Variants in ZFHX3 observed in about 807,000 individuals in gnomAD.
The protein encoded by ZFHX3 is zinc finger homeobox 3, also known as zinc finger homeobox protein 3.
ZFHX3 carries 42 observed loss-of-function variants against 279.1 expected under a neutral mutation model. The ratio of observed to expected loss-of-function variants is 0.15; its 90% CI spans 0.12 to 0.19. ZFHX3 has a LOEUF of 0.19. Ranked by LOEUF, ZFHX3 falls within the 10% of genes least tolerant of loss-of-function variation. The pLI, the probability that ZFHX3 is intolerant of heterozygous loss-of-function variation, is 1.00. For synonymous variants in ZFHX3, 2,293 were observed against 1,957.8 expected, an observed-to-expected ratio of 1.17 and a Z score of -4.52; for missense variants, 4,981 against 4,754.0, an observed-to-expected ratio of 1.05 and a Z score of -1.40.
Position 73,419,532 on chromosome 16 carries a change from G to C in ZFHX3, c.-1291+36471C>G, listed in dbSNP as rs540892541. Among the ~76,000 whole-genome samples the C allele has an allele frequency of 2.0e-5, 3 of 152,116 alleles. No individual in the cohort carries two copies. The South Asian group carries it at 6.2e-4, about 32-fold the overall frequency. On this transcript the variant is annotated intron_variant, in intron 3 of 17. Coordinates refer to the ZFHX3 transcript ENST00000641206. ...CCCCTGCTGCCCCACAGAACTAAAA[G>C]CTATTTACGTAAGGCTGGGGCTCTC... is the stretch of plus-strand genomic sequence containing the variant.
chr16:73,467,984 T>G (rs2018601941), intron 2 of ZFHX3, among the ~76,000 whole-genome samples: 1 of 152,228 alleles, frequency 6.6e-6, no homozygotes, highest in Admixed American at 6.5e-5. Flanking sequence ...TGCAAGTCTT[T>G]AATGCCCAAT....
chr16:73,302,723 G>A (rs2143136825), intron 4 of ZFHX3, among the ~76,000 whole-genome samples: 1 of 152,318 alleles, frequency 6.6e-6, no homozygotes, highest in African/African-American at 2.4e-5. Context: ...GTACTTGGAG[G>A]AATGACTGTC....
intron 1 of ZFHX3, among the ~76,000 whole-genome samples, chr16:73,731,646 G>GTTTC: frequency 2.7e-5 from 1 of 36,942 alleles, no homozygotes; most frequent in Non-Finnish European, 7.6e-5. Context: ...GATGTTCGGG[G>GTTTC]TGAAAAAAAA....
At chr16:73,841,820 G>T (rs896890933) in intron 1 of ZFHX3, among the ~76,000 whole-genome samples, 3 of 152,190 alleles carry the variant, frequency 2.0e-5, no homozygotes, top group Non-Finnish European at 4.4e-5. Context: ...GGGAAGAGTA[G>T]ACTTGACATA....
intron 2 of ZFHX3, among the ~76,000 whole-genome samples, chr16:73,668,118 T>C (rs1230768263): frequency 6.6e-6 from 1 of 152,160 alleles, no homozygotes; most frequent in Non-Finnish European, 1.5e-5. Context: ...GACCACCCTC[T>C]AAGCCAGTGC....
At chr16:73,456,388 C>G (rs768178318) in intron 2 of ZFHX3, 1 of 152,142 alleles carries the variant, frequency 6.6e-6, no homozygotes, top group African/African-American at 2.4e-5. Flanking sequence ...TTCTGCAGCA[C>G]AGAAGGCCCA....
rs375304884 is a variant in ZFHX3, at chr16:73,735,901, T to TGTTTGTTTGTTTGTTTG, written c.-1607-55662_-1607-55661insCAAACAAACAAACAAAC. The stretch of plus-strand genomic sequence containing the variant: ...AGCACCAGCCATTCCGTTTTTTTTT[T>TGTTTGTTTGTTTGTTTG]TTTTTTTTTTTTTTTAATGCTCTGA... On this transcript the variant is annotated intron_variant, in intron 1 of 17. Transcript: ENST00000641206. Among the ~76,000 whole-genome samples the TGTTTGTTTGTTTGTTTG allele has an allele frequency of 2.9e-3, 430 of 146,050 alleles. 4 individuals are homozygous for TGTTTGTTTGTTTGTTTG. The highest frequency in any genetic ancestry group is 0.018 in the South Asian group (83 of 4,698).
intron 5 of ZFHX3, among the ~76,000 whole-genome samples, chr16:73,153,752 C>A (rs1022360329): frequency 7.2e-5 from 11 of 152,068 alleles, no homozygotes; most frequent in Non-Finnish European, 1.6e-4. Context: ...CGGGTTCAAG[C>A]AGTTCTCCTG....
chr16:73,370,955 G>C (rs1357227248), intron 3 of ZFHX3, among the ~76,000 whole-genome samples: 1 of 152,102 alleles, frequency 6.6e-6, no homozygotes, highest in Non-Finnish European at 1.5e-5. Context: ...GGAATGAAGG[G>C]AGCAAAGAAG....
At chr16:73,542,378 C>T (rs1239688657) in intron 2 of ZFHX3, among the ~76,000 whole-genome samples, 1 of 151,640 alleles carries the variant, frequency 6.6e-6, no homozygotes, top group Non-Finnish European at 1.5e-5. Context: ...TTTTTTTTTC[C>T]CAACGTCCTT....
At chr16:73,493,312 C>G (rs746185811) in intron 2 of ZFHX3, among the ~76,000 whole-genome samples, 1 of 152,132 alleles carries the variant, frequency 6.6e-6, no homozygotes, top group Non-Finnish European at 1.5e-5. Context: ...GATGAACTGA[C>G]AGATTTTTCT....
At chr16:73,764,737 T>G (rs1011432355) in intron 1 of ZFHX3, among the ~76,000 whole-genome samples, 9 of 152,154 alleles carry the variant, frequency 5.9e-5, no homozygotes, top group African/African-American at 2.2e-4. Context: ...GCAAAAACAG[T>G]AGACAGCCTT....
At chr16:73,386,233 T>G (rs1272614370) in intron 3 of ZFHX3, among the ~76,000 whole-genome samples, 4 of 152,116 alleles carry the variant, frequency 2.6e-5, no homozygotes, top group African/African-American at 9.7e-5. Flanking sequence ...TCTGTTTAAC[T>G]CTCTTACCAA....
intron 2 of ZFHX3, among the ~76,000 whole-genome samples, chr16:73,629,681 G>A (rs1376815772): frequency 6.6e-6 from 1 of 151,788 alleles, no homozygotes; most frequent in African/African-American, 2.4e-5. Context: ...AAGAAAGGAG[G>A]AAAAAACCCT....
At chr16:73,353,376 C>A (rs531768684) in intron 3 of ZFHX3, among the ~76,000 whole-genome samples, 5 of 152,324 alleles carry the variant, frequency 3.3e-5, no homozygotes, top group Non-Finnish European at 7.3e-5. Flanking sequence ...GACCCAGGAT[C>A]CTGCTTGGCT....
At chr16:73,715,277 A>G (rs1486790456) in intron 1 of ZFHX3, among the ~76,000 whole-genome samples, 2 of 152,178 alleles carry the variant, frequency 1.3e-5, no homozygotes, top group Non-Finnish European at 2.9e-5. Flanking sequence ...AAGAGCATCA[A>G]AGTGAAGAGC....
chr16:73,479,009 GC>G (rs1017672196), intron 2 of ZFHX3, among the ~76,000 whole-genome samples: 2 of 152,112 alleles, frequency 1.3e-5, no homozygotes, highest in Non-Finnish European at 2.9e-5. Flanking sequence ...CCGAGATCAT[GC>G]CACTGCACTC....
At chr16:73,119,798 C>T (rs11645166) in intron 7 of ZFHX3, among the ~76,000 whole-genome samples, 16,335 of 152,236 alleles carry the variant, frequency 0.11, 928 homozygotes, top group Middle Eastern at 0.16. Context: ...CTGGCTTCAG[C>T]CTCCTAAGTA....
intron 3 of ZFHX3, among the ~76,000 whole-genome samples, chr16:72,893,095 C>T (rs1377403297): frequency 1.3e-5 from 2 of 152,148 alleles, no homozygotes; most frequent in African/African-American, 4.8e-5. Flanking sequence ...GTAAGGGAGC[C>T]AAGAACTGCT....
Sources: gnomAD v4.1 joint callset for allele counts (sites outside exome capture counted in the v4.1 genomes callset) on GRCh38, gnomAD v4.1.1 for gene constraint, MANE v1.5 for transcripts, NCBI Gene and HGNC (gene_info 2026-07-23, HGNC 2026-07-21) for gene names.